The following CREB5 variants were observed in gnomAD, a reference collection of about 807,000 sequenced individuals.
The protein encoded by CREB5 is cyclic AMP-responsive element-binding protein 5.
A neutral mutation model predicts 57.1 loss-of-function variants in CREB5; 19 were observed. That is an observed-to-expected ratio of 0.33 (90% confidence interval 0.23 to 0.49). The LOEUF is 0.49. CREB5 is among the 20% of genes least tolerant of loss of function. The pLI is 0.99. For missense variants in CREB5, 579 were observed against 671.6 expected, an observed-to-expected ratio of 0.86 and a Z score of 1.52; for synonymous variants, 238 against 238.3, an observed-to-expected ratio of 1.00 and a Z score of 0.01.
At chr7:28,757,111 G>C (rs1328976020) in intron 7 of CREB5, among the ~76,000 whole-genome samples, 1 of 152,046 alleles carries the variant, frequency 6.6e-6, no homozygotes, top group Non-Finnish European at 1.5e-5. Flanking sequence ...TATTTCCCCT[G>C]AGCCAAGCAC....
At chr7:28,667,305 G>A (rs759898174) in intron 5 of CREB5, among the ~76,000 whole-genome samples, 2 of 150,400 alleles carry the variant, frequency 1.3e-5, no homozygotes, top group Non-Finnish European at 1.5e-5. Flanking sequence ...CTAGTTGCTC[G>A]AAACTGCCAG....
At chr7:28,560,895 T>TGTGTGTGTGC (rs1273103113) in intron 4 of CREB5, among the ~76,000 whole-genome samples, 1 of 26,668 alleles carries the variant, frequency 3.7e-5, no homozygotes, top group African/African-American at 1.4e-4. Flanking sequence ...TGCGTGTGTG[T>TGTGTGTGTGC]GCGTGCGCGC....
At chr7:28,772,721 G>A (rs1047188684) in intron 7 of CREB5, among the ~76,000 whole-genome samples, 11 of 152,108 alleles carry the variant, frequency 7.2e-5, no homozygotes, top group African/African-American at 2.4e-4. Context: ...CTCATTTTTT[G>A]ATAAACTAAC....
At position 28,712,641 on chromosome 7, in the gene CREB5, C is replaced by G. The variant is rs562696040; in HGVS notation, c.465-6112C>G. On this transcript the variant is annotated intron_variant, in intron 5 of 10. Transcript: ENST00000357727. ...CTCCACCTCTTGGGTTCAAGCGACT[C>G]CTGTGCCTCAGCCTCCCGAGTAGCT... 1.1e-3 allele frequency among the ~76,000 whole-genome samples: 159 copies of G among 146,676 alleles called. 1 individual carries two copies. Among genetic ancestry groups the G allele is most frequent in the African/African-American group, 4.0e-3 (157 of 39,570 alleles).
intron 3 of CREB5, among the ~76,000 whole-genome samples, chr7:28,506,559 C>T (rs1792486256): frequency 6.6e-6 from 1 of 152,198 alleles, no homozygotes; most frequent in African/African-American, 2.4e-5. Context: ...TCTGGGAGAC[C>T]TTAAGCAAGA....
intron 7 of CREB5, among the ~76,000 whole-genome samples, chr7:28,796,075 G>T (rs918549834): frequency 3.9e-5 from 6 of 152,068 alleles, no homozygotes; most frequent in African/African-American, 1.4e-4. Flanking sequence ...TTTAAGGTGT[G>T]CATTTTAGTG....
chr7:28,639,981 G>A (rs898216795), intron 5 of CREB5, among the ~76,000 whole-genome samples: 1 of 152,138 alleles, frequency 6.6e-6, no homozygotes, highest in Non-Finnish European at 1.5e-5. Context: ...AGTGTATGAG[G>A]AATATAATCC....
At chr7:28,494,839 G>A (rs1791954048) in intron 2 of CREB5, 67 bp from the exon 3 acceptor site, 2 of 1,024,392 alleles carry the variant, frequency 2.0e-6, no homozygotes, top group African/African-American at 1.7e-5. Flanking sequence ...CTCAATAATG[G>A]TAAATATGTT....
chr7:28,305,616 C>G (rs1245497093), intron 1 of CREB5, among the ~76,000 whole-genome samples: 1 of 152,142 alleles, frequency 6.6e-6, no homozygotes, highest in Admixed American at 6.5e-5. Context: ...AATGGGGACT[C>G]TGCTATTCAG....
chr7:28,580,969 C>T (rs1686049308), intron 5 of CREB5, among the ~76,000 whole-genome samples: 1 of 152,106 alleles, frequency 6.6e-6, no homozygotes, highest in Admixed American at 6.5e-5. Context: ...GATTGGAGGT[C>T]TGAATTCTTG....
chr7:28,777,762 A>G (rs1294330324), intron 7 of CREB5, among the ~76,000 whole-genome samples: 1 of 152,184 alleles, frequency 6.6e-6, no homozygotes, highest in Non-Finnish European at 1.5e-5. Flanking sequence ...GAATTTTTAA[A>G]ATTATAGTAT....
At chr7:28,338,072 T>C (rs1024118998) in intron 1 of CREB5, among the ~76,000 whole-genome samples, 8 of 152,168 alleles carry the variant, frequency 5.3e-5, no homozygotes, top group African/African-American at 1.7e-4. Flanking sequence ...TTATACAGTC[T>C]ATGTCTTCAA....
At chr7:28,604,032 A>G (rs2128671670) in intron 5 of CREB5, among the ~76,000 whole-genome samples, 1 of 152,300 alleles carries the variant, frequency 6.6e-6, no homozygotes, top group East Asian at 1.9e-4. Flanking sequence ...GTGACACTTG[A>G]AAGTTTTCAA....
chr7:28,598,727 T>C (rs1282280462), intron 5 of CREB5, among the ~76,000 whole-genome samples: 1 of 152,160 alleles, frequency 6.6e-6, no homozygotes, highest in Non-Finnish European at 1.5e-5. Flanking sequence ...TTGGCCTGGC[T>C]CAATTTACAT....
At chr7:28,560,945 T>TGCGCGCGCGC (rs74219241) in intron 4 of CREB5, among the ~76,000 whole-genome samples, 1 of 23,776 alleles carries the variant, frequency 4.2e-5, no homozygotes, top group Non-Finnish European at 8.5e-5. Flanking sequence ...TGCGTGCGTG[T>TGCGCGCGCGC]GTGTGCGTGT....
At chr7:28,340,413 C>A (rs1785914508) in intron 1 of CREB5, among the ~76,000 whole-genome samples, 1 of 152,124 alleles carries the variant, frequency 6.6e-6, no homozygotes, top group Non-Finnish European at 1.5e-5. Flanking sequence ...CCTTCTGGTC[C>A]AGGGTGTATA....
Position 28,739,660 on chromosome 7 carries a change from G to T in CREB5, c.702+15328G>T, listed in dbSNP as rs113996518. Among the ~76,000 whole-genome samples, 808 of 152,268 alleles carry T rather than the reference G, an allele frequency of 5.3e-3. 8 individuals are homozygous for T. The highest frequency in any genetic ancestry group is 0.018 in the African/African-American group (760 of 41,526). On this transcript the variant is annotated intron_variant, in intron 7 of 10. Transcript: ENST00000357727. ...CATATTCGAGTTTAGAGGACAGACT[G>T]GTTAGTTCAAGTGTGAAGCAGTGAG...
chr7:28,422,060 C>T (rs1788289589), intron 1 of CREB5, among the ~76,000 whole-genome samples: 1 of 151,852 alleles, frequency 6.6e-6, no homozygotes, highest in African/African-American at 2.4e-5. Flanking sequence ...CGGGGGACAA[C>T]CTGGGAGTTG....
intron 7 of CREB5, among the ~76,000 whole-genome samples, chr7:28,744,065 T>A (rs2128759076): frequency 8.5e-6 from 1 of 118,008 alleles, no homozygotes; most frequent in Admixed American, 9.6e-5. Context: ...GTGATCTCAT[T>A]GTTCAATTCC....
Sources: allele counts gnomAD v4.1 joint callset (sites outside exome capture counted in the v4.1 genomes callset), GRCh38; gene constraint gnomAD v4.1.1; transcripts MANE v1.5; gene names NCBI Gene and HGNC (gene_info 2026-07-23, HGNC 2026-07-21).